The following KCNQ1 variants were observed in gnomAD, a reference collection of about 807,000 sequenced individuals.
KCNQ1 encodes potassium voltage-gated channel subfamily Q member 1.
In KCNQ1, 49 loss-of-function variants were observed where a neutral mutation model predicts 72.4. The observed-to-expected ratio is 0.68, with a 90% CI of 0.54 to 0.86. The LOEUF (loss-of-function observed/expected upper bound fraction) is 0.86. Ranked by LOEUF, KCNQ1 falls within the 40% of genes least tolerant of loss-of-function variation. KCNQ1 has a pLI of 0.00. For synonymous variants in KCNQ1, 450 were observed against 412.6 expected, an observed-to-expected ratio of 1.09 and a Z score of -1.10; for missense variants, 790 against 945.1, an observed-to-expected ratio of 0.84 and a Z score of 2.15.
At position 2,563,429 on chromosome 11, in the gene KCNQ1, C is replaced by T. The variant is rs1848203026; in HGVS notation, c.478-7199C>T. Among the ~76,000 whole-genome samples the T allele has an allele frequency of 6.6e-6, 1 of 152,236 alleles. No homozygotes were observed. The highest frequency in any genetic ancestry group is 2.1e-4 in the South Asian group (1 of 4,834). ...TCGGGCAGGTCTCCTCTTTATGCCA[C>T]TGTAACCCCACAACACCGGATACCA... On this transcript the variant is annotated intron_variant, in intron 2 of 15. Transcript: ENST00000155840. The surrounding 1 kb of genome is among the most constrained non-coding windows in gnomAD (Gnocchi z 7.4).
Position 2,595,886 on chromosome 11 carries a change from A to G in KCNQ1, c.1393+7032A>G, listed in dbSNP as rs1564828588. On this transcript the variant is annotated intron_variant, in intron 10 of 15. Coordinates refer to ENST00000155840, the MANE Select transcript of KCNQ1 (RefSeq NM_000218.3). This position sits in a 1 kb window ranked among gnomAD's most constrained non-coding sequence, Gnocchi z 5.0. ...GAAAACATTTTAGAAAATAATCACCATTCTAGATGAAATTAAGAACATTAG... is the reference window on the plus strand; with the variant it reads ...GAAAACATTTTAGAAAATAATCACCGTTCTAGATGAAATTAAGAACATTAG... Among the ~76,000 whole-genome samples, 1 of 152,224 alleles carries G rather than the reference A, an allele frequency of 6.6e-6. No homozygotes were observed. Among genetic ancestry groups the G allele is most frequent in the African/African-American group, 2.4e-5 (1 of 41,462 alleles).
chr11:2,792,166 G>A (rs1847040006), intron 15 of KCNQ1, among the ~76,000 whole-genome samples: 1 of 152,066 alleles, frequency 6.6e-6, no homozygotes, highest in African/African-American at 2.4e-5. Flanking sequence ...GCACTCCCGC[G>A]GCCTCCAGGG....
At chr11:2,694,738 A>T (rs1850646042) in intron 11 of KCNQ1, 1 of 398,522 alleles carries the variant, frequency 2.5e-6, no homozygotes, top group South Asian at 1.3e-4. Context: ...CCAACAAATA[A>T]GTAGATGTCT....
Position 2,549,369 on chromosome 11 carries a change from T to A in KCNQ1, c.478-21259T>A, listed in dbSNP as rs1469554015. 6.6e-6 allele frequency among the ~76,000 whole-genome samples: 1 copy of A among 152,022 alleles called. No homozygotes were observed. Among genetic ancestry groups the A allele is most frequent in the Non-Finnish European group, 1.5e-5 (1 of 67,976 alleles). On this transcript the variant is annotated intron_variant, in intron 2 of 15. Transcript: ENST00000155840. This position sits in a 1 kb window ranked among gnomAD's most constrained non-coding sequence, Gnocchi z 6.2. ...TGGGGCGACCCTCCTTGGCCGTCCT[T>A]GCCATCCTCGCCATCCTCTCTCCAC...
At chr11:2,459,471 C>G (rs7951832) in intron 1 of KCNQ1, among the ~76,000 whole-genome samples, 54,094 of 152,052 alleles carry the variant, frequency 0.36, 13,554 homozygotes, top group African/African-American at 0.7. Context: ...AGGAGCTGTG[C>G]GGGTCTGAGA....
In KCNQ1 at chr11:2,695,027, G is replaced by C. The variant is rs982598744; in HGVS notation, c.1514+32946G>C. 7 of 398,562 alleles carry C rather than the reference G, an allele frequency of 1.8e-5. No homozygotes were observed. Among genetic ancestry groups the C allele is most frequent in the African/African-American group, 1.4e-4 (7 of 48,630 alleles). The allele number at this position is 398,562 out of a possible 1,614,324, so 24.7% of individuals were successfully genotyped here. On this transcript the variant is annotated intron_variant, in intron 11 of 15. Coordinates refer to ENST00000155840, the MANE Select transcript of KCNQ1 (RefSeq NM_000218.3). This position sits in a 1 kb window ranked among gnomAD's most constrained non-coding sequence, Gnocchi z 5.2. Reference sequence around the variant, plus strand: ...GTGAGGGAGGACAGTGGTCAGAGAGGTAAGCAGGGCAGATCTTGTAAAAAC... The same window carrying C: ...GTGAGGGAGGACAGTGGTCAGAGAGCTAAGCAGGGCAGATCTTGTAAAAAC...
chr11:2,801,258 A>AC (rs745574675), intron 15 of KCNQ1, among the ~76,000 whole-genome samples: 25 of 152,254 alleles, frequency 1.6e-4, no homozygotes, highest in Admixed American at 7.2e-4. Context: ...CTGGCTTCTG[A>AC]CCCACTCGGG....
chr11:2,699,474 T>C lies in KCNQ1; in HGVS notation c.1514+37393T>C, dbSNP rs1043222388. The C allele has an allele frequency of 1.4e-4, 54 of 378,108 alleles. 1 individual carries two copies. The highest frequency in any genetic ancestry group is 2.3e-4 in the Non-Finnish European group (51 of 217,418). The allele number at this position is 378,108 out of a possible 1,614,324, so 23.4% of individuals were successfully genotyped here. On this transcript the variant is annotated intron_variant, in intron 11 of 15. Transcript: ENST00000155840. ...AGGAGCCGCCGGGAGAGTGCCGCGC[T>C]GAGGAGCCCCCGGGGAGAGTGCCGC...
At position 2,491,037 on chromosome 11, in the gene KCNQ1, C is replaced by T. The variant is rs1846829344; in HGVS notation, c.387-36891C>T. On this transcript the variant is annotated intron_variant, in intron 1 of 15. Transcript: ENST00000155840. This position sits in a 1 kb window ranked among gnomAD's most constrained non-coding sequence, Gnocchi z 4.1. ...CAGTATTTTTATGAGTCTGCAAGAACCACAGTGTTACTGGGCTTGGGATGC... is the reference window on the plus strand; with the variant it reads ...CAGTATTTTTATGAGTCTGCAAGAATCACAGTGTTACTGGGCTTGGGATGC... 6.6e-6 allele frequency among the ~76,000 whole-genome samples: 1 copy of T among 152,156 alleles called. No homozygotes were observed. The highest frequency in any genetic ancestry group is 2.4e-5 in the African/African-American group (1 of 41,448).
At chr11:2,472,046 GTA>G (rs1846484340) in intron 1 of KCNQ1, among the ~76,000 whole-genome samples, 1 of 151,230 alleles carries the variant, frequency 6.6e-6, no homozygotes, top group Non-Finnish European at 1.5e-5. Flanking sequence ...GTATAGGTAT[GTA>G]TGTGTGCACA....
intron 2 of KCNQ1, among the ~76,000 whole-genome samples, chr11:2,539,976 A>G (rs1202511454): frequency 1.3e-5 from 2 of 152,176 alleles, no homozygotes; most frequent in African/African-American, 4.8e-5. Context: ...CTGACACAAC[A>G]CAACGGGACG....
chr11:2,508,873 G>C lies in KCNQ1; in HGVS notation c.387-19055G>C, dbSNP rs2133658114. Among the ~76,000 whole-genome samples, 1 of 152,354 alleles carries C rather than the reference G, an allele frequency of 6.6e-6. No individual in the cohort carries two copies. Among genetic ancestry groups the C allele is most frequent in the South Asian group, 2.1e-4 (1 of 4,832 alleles). On this transcript the variant is annotated intron_variant, in intron 1 of 15. Coordinates refer to ENST00000155840, the MANE Select transcript of KCNQ1 (RefSeq NM_000218.3). The surrounding 1 kb of genome is among the most constrained non-coding windows in gnomAD (Gnocchi z 6.2). Reference sequence around the variant, plus strand: ...ATGCTCCCTCCACACCCATGTGCCTGATGCACACAGCCTGGCCCTTGTGGG... The same window carrying C: ...ATGCTCCCTCCACACCCATGTGCCTCATGCACACAGCCTGGCCCTTGTGGG...
chr11:2,748,535 G>A lies in KCNQ1; in HGVS notation c.1515-20309G>A, dbSNP rs755555772. Among the ~76,000 whole-genome samples, 32 of 152,222 alleles carry A rather than the reference G, an allele frequency of 2.1e-4. No individual in the cohort carries two copies. The highest frequency in any genetic ancestry group is 3.9e-4 in the Admixed American group (6 of 15,288). ...GGGCCCAGCTGGGCGTCCACGTGGA[G>A]GTGTGGGGCCCGGGTGGGACAAGCC... On this transcript the variant is annotated intron_variant, in intron 11 of 15. Coordinates refer to ENST00000155840, the MANE Select transcript of KCNQ1 (RefSeq NM_000218.3). The surrounding 1 kb of genome is among the most constrained non-coding windows in gnomAD (Gnocchi z 6.2).
chr11:2,535,114 T>A (rs184412946), intron 2 of KCNQ1, among the ~76,000 whole-genome samples: 32 of 152,308 alleles, frequency 2.1e-4, no homozygotes, highest in Non-Finnish European at 1.8e-4. Context: ...AGGAGAAACT[T>A]CTCACTCATC....
Position 2,593,768 on chromosome 11 carries a change from C to G in KCNQ1, c.1393+4914C>G, listed in dbSNP as rs772685021. 6.6e-5 allele frequency among the ~76,000 whole-genome samples: 10 copies of G among 152,190 alleles called. No individual in the cohort carries two copies. The highest frequency in any genetic ancestry group is 1.3e-4 in the Non-Finnish European group (9 of 68,050). ...CTGTAGCCTCCTCCTGCTCCCGGCT[C>G]CGCGTCCTCAGCCCAACACACCAAG... On this transcript the variant is annotated intron_variant, in intron 10 of 15. Coordinates refer to ENST00000155840, the MANE Select transcript of KCNQ1 (RefSeq NM_000218.3). This position sits in a 1 kb window ranked among gnomAD's most constrained non-coding sequence, Gnocchi z 6.9.
At chr11:2,776,630 G>C (rs1182443882) in intron 13 of KCNQ1, among the ~76,000 whole-genome samples, 4 of 152,192 alleles carry the variant, frequency 2.6e-5, no homozygotes, top group African/African-American at 4.8e-5. Flanking sequence ...CTGGGAACTA[G>C]CTCCGTGTGT....
intron 15 of KCNQ1, among the ~76,000 whole-genome samples, chr11:2,814,275 ATGG>A (rs1316978676): frequency 1.5e-5 from 2 of 136,262 alleles, no homozygotes; most frequent in African/African-American, 6.7e-5. Context: ...GGATGGATGG[ATGG>A]TGGGATGGAT....
intron 11 of KCNQ1, chr11:2,692,345 A>T: frequency 2.5e-6 from 1 of 398,850 alleles, no homozygotes; most frequent in Non-Finnish European, 4.4e-6. Flanking sequence ...ATTTCTCTGT[A>T]CTGCAGGCAT....
intron 11 of KCNQ1, among the ~76,000 whole-genome samples, chr11:2,733,885 G>A (rs572388804): frequency 3.0e-3 from 327 of 108,760 alleles, no homozygotes; most frequent in African/African-American, 0.011. Flanking sequence ...CTTCGCGCCC[G>A]CTGTTCCCCT....
Sources: gnomAD v4.1 joint callset for allele counts (sites outside exome capture counted in the v4.1 genomes callset) on GRCh38, gnomAD v4.1.1 for gene constraint, Gnocchi (gnomAD v3.1) non-coding constraint, MANE v1.5 for transcripts, NCBI Gene and HGNC (gene_info 2026-07-23, HGNC 2026-07-21) for gene names.